WDR45B: variants seen among roughly 807,000 people sequenced by gnomAD.
WDR45B encodes the protein WD repeat domain phosphoinositide-interacting protein 3.
WDR45B carries 20 observed loss-of-function variants against 44.6 expected under a neutral mutation model. That is an observed-to-expected ratio of 0.45 (90% CI 0.32 to 0.65). The LOEUF is 0.65. WDR45B is among the 30% of genes least tolerant of loss of function. WDR45B has a pLI of 0.05. For missense variants in WDR45B, 323 were observed against 430.2 expected (o/e 0.75, Z 2.20); for synonymous variants, 169 against 164.9 (o/e 1.02, Z -0.19).
At chr17:82,643,729 A>G (rs2045944460) in intron 2 of WDR45B, among the ~76,000 whole-genome samples, 1 of 152,290 alleles carries the variant, frequency 6.6e-6, no homozygotes, top group South Asian at 2.1e-4. Flanking sequence ...CACTAGAGAA[A>G]TCAGGCCAGT....
At chr17:82,625,293 C>CT in intron 5 of WDR45B, 96 bp downstream of exon 5, 1 of 1,268,474 alleles carries the variant, frequency 7.9e-7, no homozygotes, top group South Asian at 1.2e-5. Context: ...TCGCCAAGCA[C>CT]TTTGCTCAGA....
rs1367785272 is a variant in WDR45B at position 82,627,189 on chromosome 17, T to C, written c.332+15A>G. 1.2e-6 allele frequency: 2 copies of C among 1,604,394 alleles called. No individual in the cohort carries two copies. Among genetic ancestry groups the C allele is most frequent in the Non-Finnish European group, 1.7e-6 (2 of 1,172,278 alleles). On this transcript the variant is annotated intron_variant, in intron 4 of 9. Coordinates refer to ENST00000392325, the MANE Select transcript of WDR45B (RefSeq NM_019613.4). ...GTGAAATACCACTTTAAAAAATTAC[T>C]GACACCAAACCCACCTATCTCGCCG...
chr17:82,647,796 G>A (rs12449612), intron 1 of WDR45B, among the ~76,000 whole-genome samples: 2 of 152,026 alleles, frequency 1.3e-5, no homozygotes, highest in East Asian at 2.0e-4. Flanking sequence ...CTCAGCCACG[G>A]GCTACCTACT....
Position 82,615,904 on chromosome 17 carries a change from C to A in WDR45B, c.*15G>T, listed in dbSNP as rs751217188. ...AGGCGGCAGGTGGTGGGTGCTGTGG[C>A]GCCCCCAGCTGGAGTCACAGCTTGT... On this transcript the variant is annotated 3_prime_UTR_variant, in exon 10 of 10. Transcript: ENST00000392325. The A allele has an allele frequency of 6.2e-7, 1 of 1,607,958 alleles. No homozygotes were observed. The highest frequency in any genetic ancestry group is 1.7e-5 in the Admixed American group (1 of 59,930).
chr17:82,635,119 G>A (rs2045816300), intron 2 of WDR45B, among the ~76,000 whole-genome samples: 2 of 151,866 alleles, frequency 1.3e-5, no homozygotes, highest in South Asian at 4.1e-4. Flanking sequence ...ACTGATCTAT[G>A]CGCTTAAAAA....
intron 6 of WDR45B, among the ~76,000 whole-genome samples, 167 bp downstream of exon 6, chr17:82,621,442 A>C (rs2045615384): frequency 6.6e-6 from 1 of 152,250 alleles, no homozygotes; most frequent in Non-Finnish European, 1.5e-5. Context: ...CGACCTGTGA[A>C]GACTTCAACC....
At chr17:82,619,671 G>A (rs545734267) in intron 6 of WDR45B, among the ~76,000 whole-genome samples, 4 of 152,276 alleles carry the variant, frequency 2.6e-5, no homozygotes, top group South Asian at 2.1e-4. Flanking sequence ...CCTCCAGAAC[G>A]AGGAGGACTC....
At chr17:82,645,759 C>G (rs978014978) in intron 1 of WDR45B, among the ~76,000 whole-genome samples, 1 of 152,118 alleles carries the variant, frequency 6.6e-6, no homozygotes, top group African/African-American at 2.4e-5. Context: ...CTGGAACGTA[C>G]CCAAATGCCC....
chr17:82,639,075 C>T (rs1001820928), intron 2 of WDR45B, among the ~76,000 whole-genome samples: 3 of 151,990 alleles, frequency 2.0e-5, no homozygotes, highest in East Asian at 1.9e-4. Context: ...CCTGCCTCGG[C>T]CTCCTAAAGT....
At chr17:82,640,789 A>T (rs994096061) in intron 2 of WDR45B, among the ~76,000 whole-genome samples, 6 of 152,154 alleles carry the variant, frequency 3.9e-5, no homozygotes, top group Admixed American at 3.9e-4. Flanking sequence ...TAAGCTGGAA[A>T]CGGGAGCACA....
chr17:82,628,829 G>A (rs756482854), intron 3 of WDR45B, among the ~76,000 whole-genome samples: 73 of 152,106 alleles, frequency 4.8e-4, no homozygotes, highest in Non-Finnish European at 9.1e-4. Flanking sequence ...TGGAAACGCC[G>A]TCTCTACTAA....
chr17:82,623,387 CAA>C (rs59311520), intron 5 of WDR45B, among the ~76,000 whole-genome samples: 178 of 99,450 alleles, frequency 1.8e-3, no homozygotes, highest in African/African-American at 5.3e-3. Flanking sequence ...ACTCTATCTC[CAA>C]AAAAAAAAAA....
intron 1 of WDR45B, among the ~76,000 whole-genome samples, chr17:82,646,832 C>T (rs762438510): frequency 3.3e-5 from 5 of 152,148 alleles, no homozygotes; most frequent in Non-Finnish European, 7.3e-5. Flanking sequence ...AACTTTCTTC[C>T]GGAGAAACCC....
At chr17:82,618,566 C>T (rs1334433908) in intron 7 of WDR45B, among the ~76,000 whole-genome samples, 1 of 152,146 alleles carries the variant, frequency 6.6e-6, no homozygotes, top group Non-Finnish European at 1.5e-5. Flanking sequence ...AGCAGCGAGA[C>T]CCCTCTACAA....
At chr17:82,622,673 C>G (rs553551212) in intron 5 of WDR45B, among the ~76,000 whole-genome samples, 55 of 152,216 alleles carry the variant, frequency 3.6e-4, no homozygotes, top group Admixed American at 1.2e-3. Context: ...ACCTTGTGAT[C>G]CACCTGCCTT....
In WDR45B at chr17:82,633,563, G is replaced by A. The variant is rs190957969; in HGVS notation, c.143-2541C>T. 5.7e-4 allele frequency among the ~76,000 whole-genome samples: 87 copies of A among 152,240 alleles called. 1 individual carries two copies. In the East Asian group the frequency reaches 0.014, roughly 25 times the overall value. ...TTTTGAGACAGTGTTGCTCAGGCAA[G>A]TGCAGTGATGAGAACAGGGCTCACT... On this transcript the variant is annotated intron_variant, in intron 2 of 9. Transcript: ENST00000392325.
At chr17:82,625,808 C>T in intron 4 of WDR45B, 1 of 346,520 alleles carries the variant, frequency 2.9e-6, no homozygotes, top group Non-Finnish European at 5.5e-6. Context: ...TATTTTTATG[C>T]TACTGTGTCT....
chr17:82,629,105 G>A (rs151297541), intron 3 of WDR45B, among the ~76,000 whole-genome samples: 206 of 152,314 alleles, frequency 1.4e-3, no homozygotes, highest in African/African-American at 4.7e-3. Flanking sequence ...TTTCTTCTAA[G>A]TCTGTGAAGT....
intron 6 of WDR45B, among the ~76,000 whole-genome samples, chr17:82,619,763 T>G (rs2045588732): frequency 6.6e-6 from 1 of 152,068 alleles, no homozygotes; most frequent in African/African-American, 2.4e-5. Flanking sequence ...CAAAAAATCT[T>G]TATATCCTTC....
Sources: gnomAD v4.1 joint callset for allele counts (sites outside exome capture counted in the v4.1 genomes callset) on GRCh38, gnomAD v4.1.1 for gene constraint, MANE v1.5 for transcripts, NCBI Gene and HGNC (gene_info 2026-07-23, HGNC 2026-07-21) for gene names.